FLNB: variants seen among roughly 807,000 people sequenced by gnomAD.
FLNB encodes the protein filamin-B.
FLNB carries 111 observed loss-of-function variants against 250.6 expected under a neutral mutation model. The ratio of observed to expected loss-of-function variants is 0.44; its 90% CI spans 0.38 to 0.52. The LOEUF is 0.52. Ranked by LOEUF, FLNB falls within the 20% of genes least tolerant of loss-of-function variation. FLNB has a pLI of 0.00. For missense variants in FLNB, 2,869 were observed against 3,447.8 expected (o/e 0.83, Z 4.20); for synonymous variants, 1,302 against 1,372.1 (o/e 0.95, Z 1.13).
intron 1 of FLNB, among the ~76,000 whole-genome samples, 182 bp from the exon 2 acceptor site, chr3:58,076,864 C>G (rs1383796273): frequency 1.3e-5 from 2 of 152,178 alleles, no homozygotes; most frequent in Non-Finnish European, 2.9e-5. Context: ...ATTTTGGAAT[C>G]ATATTTCATC....
At position 58,125,754 on chromosome 3, in the gene FLNB, C is replaced by T. The variant is rs2107184998; in HGVS notation, c.4061+11C>T. On this transcript the variant is annotated intron_variant, in intron 23 of 45. Coordinates refer to ENST00000295956, the MANE Select transcript of FLNB (RefSeq NM_001457.4). ...CACCGTGGTTACCAGGTAGGCAAGG[C>T]CCTACATTTGGTGTCTTGAGTCTCA... is the stretch of plus-strand genomic sequence containing the variant. 1.2e-6 allele frequency: 2 copies of T among 1,613,664 alleles called. No individual in the cohort carries two copies. Among genetic ancestry groups the T allele is most frequent in the Non-Finnish European group, 1.7e-6 (2 of 1,179,700 alleles).
chr3:58,051,318 G>T (rs1315084002), intron 1 of FLNB, among the ~76,000 whole-genome samples: 1 of 152,188 alleles, frequency 6.6e-6, no homozygotes, highest in African/African-American at 2.4e-5. Flanking sequence ...GGGACTGGCC[G>T]AATCATCCCT....
intron 4 of FLNB, among the ~76,000 whole-genome samples, chr3:58,086,699 G>C (rs1415361673): frequency 1.3e-5 from 2 of 152,186 alleles, no homozygotes; most frequent in African/African-American, 2.4e-5. Flanking sequence ...GTCTTTAACA[G>C]ATTGGTAGCT....
chr3:58,131,274 G>A (rs2097306907), intron 25 of FLNB, among the ~76,000 whole-genome samples: 1 of 152,196 alleles, frequency 6.6e-6, no homozygotes, highest in Non-Finnish European at 1.5e-5. Context: ...AACTCATTGA[G>A]ATATCTTGGT....
chr3:58,129,644 A>G (rs1004689209), intron 24 of FLNB, among the ~76,000 whole-genome samples: 7 of 152,216 alleles, frequency 4.6e-5, no homozygotes, highest in Non-Finnish European at 1.0e-4. Context: ...CAGGGACTCA[A>G]TTCTTTGTGT....
chr3:58,031,197 CT>C (rs957110953), intron 1 of FLNB, among the ~76,000 whole-genome samples: 2 of 152,002 alleles, frequency 1.3e-5, no homozygotes, highest in Admixed American at 1.3e-4. Context: ...CTTCACTCCC[CT>C]TTTTTTGTGT....
At chr3:58,075,528 G>A (rs2097200500) in intron 1 of FLNB, among the ~76,000 whole-genome samples, 1 of 152,136 alleles carries the variant, frequency 6.6e-6, no homozygotes, top group African/African-American at 2.4e-5. Flanking sequence ...AAGCGGATTG[G>A]ATGGGGTTTA....
intron 8 of FLNB, among the ~76,000 whole-genome samples, chr3:58,099,125 A>G (rs1298184678): frequency 3.3e-5 from 5 of 152,142 alleles, no homozygotes; most frequent in Admixed American, 6.5e-5. Context: ...CTTTGCTTAT[A>G]TTAACTCATT....
At chr3:58,093,372 G>T (rs747818542) in intron 4 of FLNB, among the ~76,000 whole-genome samples, 1 of 152,148 alleles carries the variant, frequency 6.6e-6, no homozygotes, top group South Asian at 2.1e-4. Flanking sequence ...TCACGTAGGC[G>T]TGATTGACAT....
chr3:58,013,732 G>T (rs919597538), intron 1 of FLNB, among the ~76,000 whole-genome samples: 1 of 152,212 alleles, frequency 6.6e-6, no homozygotes, highest in Non-Finnish European at 1.5e-5. Flanking sequence ...GCTGAGGCAG[G>T]ACAATAGCTT....
At chr3:58,158,245 A>G (rs1023822181) in intron 41 of FLNB, among the ~76,000 whole-genome samples, 2 of 152,366 alleles carry the variant, frequency 1.3e-5, no homozygotes, top group South Asian at 2.1e-4. Context: ...CTTCAAGTCT[A>G]TGCTATGCAG....
intron 4 of FLNB, among the ~76,000 whole-genome samples, chr3:58,090,436 G>A (rs899169037): frequency 2.6e-5 from 4 of 152,108 alleles, no homozygotes; most frequent in Admixed American, 6.5e-5. Flanking sequence ...TAAACCAGTA[G>A]CATTGTCATT....
chr3:58,159,791 G>A (rs1243606151), intron 42 of FLNB, 105 bp downstream of exon 42: 6 of 1,226,702 alleles, frequency 4.9e-6, no homozygotes, highest in Non-Finnish European at 5.8e-6. Context: ...ATTACTGCCA[G>A]TGAGCCTCTG....
At chr3:58,134,529 C>A in intron 26 of FLNB, 87 bp from the exon 27 acceptor site, 1 of 1,488,474 alleles carries the variant, frequency 6.7e-7, no homozygotes, top group Non-Finnish European at 9.4e-7. Context: ...CCTTTTCCAT[C>A]CCACTCTTAT....
intron 4 of FLNB, among the ~76,000 whole-genome samples, chr3:58,084,274 T>C (rs989284802): frequency 4.6e-4 from 70 of 152,074 alleles, no homozygotes; most frequent in East Asian, 5.8e-4. Flanking sequence ...TTAAAGGTTA[T>C]GCTTCCTTAA....
At position 58,081,743 on chromosome 3, in the gene FLNB, C is replaced by A. The variant is rs756148157; in HGVS notation, c.754C>A (p.Leu252Ile). Residue 252 changes from leucine to isoleucine, a missense_variant, in exon 4 of 46, where the codon CTC (leucine) becomes ATC (isoleucine). By Grantham distance (5) the Leu-to-Ile change is conservative. Around this residue, in one of 5 missense-constraint regions of FLNB, gnomAD observed 308 missense variants for 466.1 expected, o/e 0.66. Transcript: ENST00000295956. ...LKPGAPLKPK[L>I]NPKKARAYGR... ...GCCGGGGGCTCCTCTCAAACCCAAA[C>A]TCAACCCGAAGAAAGCCAGGGCCTA... 8.7e-6 allele frequency: 14 copies of A among 1,614,164 alleles called. No homozygotes were observed. The highest frequency in any genetic ancestry group is 9.3e-6 in the Non-Finnish European group (11 of 1,180,012).
intron 1 of FLNB, among the ~76,000 whole-genome samples, chr3:58,016,969 T>C (rs2097106650): frequency 6.6e-6 from 1 of 152,240 alleles, no homozygotes; most frequent in South Asian, 2.1e-4. Flanking sequence ...AATCCCTAAA[T>C]TGGCTCAGGT....
intron 1 of FLNB, among the ~76,000 whole-genome samples, chr3:58,012,179 A>G (rs2097099798): frequency 7.2e-6 from 1 of 139,642 alleles, no homozygotes; most frequent in Non-Finnish European, 1.5e-5. Flanking sequence ...GTGTAACTGC[A>G]CTCCAGCCTG....
chr3:58,069,427 G>A (rs1469349234), intron 1 of FLNB, among the ~76,000 whole-genome samples: 6 of 151,834 alleles, frequency 4.0e-5, no homozygotes, highest in Non-Finnish European at 5.9e-5. Context: ...TTTTAGTAGC[G>A]ACAGGGTTTC....
Sources: allele counts gnomAD v4.1 joint callset (sites outside exome capture counted in the v4.1 genomes callset), GRCh38; gene constraint gnomAD v4.1.1; regional missense constraint gnomAD v4.1.1; transcripts MANE v1.5; gene names NCBI Gene and HGNC (gene_info 2026-07-23, HGNC 2026-07-21).